LRR1: variants seen among roughly 807,000 people sequenced by gnomAD.
LRR1 encodes the protein leucine-rich repeat protein 1.
In LRR1, 29 loss-of-function variants were observed where a neutral mutation model predicts 31.6. The observed-to-expected ratio is 0.92, with a 90% confidence interval of 0.68 to 1.25. The LOEUF (loss-of-function observed/expected upper bound fraction) is 1.25. Among genes scored for constraint, LRR1 ranks in the 50% most tolerant of loss-of-function variants. The pLI is 0.00. For missense variants in LRR1, 485 were observed against 487.2 expected, an observed-to-expected ratio of 1.00 and a Z score of 0.04; for synonymous variants, 179 against 181.4, an observed-to-expected ratio of 0.99 and a Z score of 0.10.
chr14:49,606,326 CT>C (rs1882280453), intron 2 of LRR1, among the ~76,000 whole-genome samples: 1 of 151,674 alleles, frequency 6.6e-6, no homozygotes, highest in Admixed American at 6.6e-5. Context: ...CAGTCCCAGC[CT>C]TTTTTGTTTG....
intron 1 of LRR1, among the ~76,000 whole-genome samples, 188 bp from the exon 2 acceptor site, chr14:49,602,178 CTCTT>C (rs1882086858): frequency 9.1e-6 from 1 of 110,088 alleles, no homozygotes; most frequent in African/African-American, 3.5e-5. Context: ...GAGAAGGAGT[CTCTT>C]TCTGTTGCCC....
intron 2 of LRR1, among the ~76,000 whole-genome samples, chr14:49,603,002 ATT>A (rs34024087): frequency 6.5e-5 from 9 of 139,508 alleles, no homozygotes; most frequent in Admixed American, 7.2e-5. Flanking sequence ...TGCGTGGCTG[ATT>A]TTTTTTTTTT....
chr14:49,607,940 C>T lies in LRR1; in HGVS notation c.823C>T (p.Arg275Cys), dbSNP rs149392146. The stretch of plus-strand genomic sequence containing the variant: ...CAAGATAGGACAACTAATAAACCTT[C>T]GCTTTTTGTCAGCAGCTCGAAATAA... ...PCKIGQLINL[R>C]FLSAARNKLP... Residue 275 changes from arginine to cysteine, a missense_variant, in exon 3 of 4, where the codon CGC becomes TGC. Around this residue, in one of 3 missense-constraint regions of LRR1, gnomAD observed 210 missense variants for 200.4 expected, o/e 1.05. Transcript: ENST00000298288. The T allele has an allele frequency of 2.7e-4, 436 of 1,614,052 alleles. 5 individuals carry two copies. The highest frequency in any genetic ancestry group is 2.1e-3 in the South Asian group (188 of 91,070).
Position 49,599,187 on chromosome 14 carries a change from G to C in LRR1, c.167G>C (p.Arg56Pro). 1 of 1,607,348 alleles carries C rather than the reference G, an allele frequency of 6.2e-7. No homozygotes were observed. The highest frequency in any genetic ancestry group is 8.5e-7 in the Non-Finnish European group (1 of 1,177,366). The change falls in exon 1 of 4, where the codon CGC becomes CCC. Residue 56 changes from arginine (R) to proline (P), a missense_variant. By Grantham distance (103) the Arg-to-Pro change is moderately radical. Transcript: ENST00000298288. ...FLLISTLKDK[R>P]GTRYELRENI... ...CTCATCTCCACCCTGAAGGACAAGC[G>C]CGGGACCCGCTATGAGGTGCGTGAA...
intron 2 of LRR1, among the ~76,000 whole-genome samples, chr14:49,606,497 C>T (rs954748847): frequency 1.3e-5 from 2 of 151,562 alleles, no homozygotes; most frequent in Non-Finnish European, 2.9e-5. Flanking sequence ...CGCCACATTG[C>T]CCAGCTAATT....
At chr14:49,612,567 T>C in intron 3 of LRR1, 1 of 1,190,554 alleles carries the variant, frequency 8.4e-7, no homozygotes, top group Non-Finnish European at 1.1e-6. Context: ...GATTAATAAG[T>C]CTTTTTATGA....
At chr14:49,599,825 G>T (rs1448806932) in intron 1 of LRR1, among the ~76,000 whole-genome samples, 1 of 146,892 alleles carries the variant, frequency 6.8e-6, no homozygotes, top group Non-Finnish European at 1.5e-5. Flanking sequence ...CGGGCCTGCG[G>T]CCCTCTCCCC....
intron 3 of LRR1, among the ~76,000 whole-genome samples, chr14:49,609,023 C>T (rs1028656826): frequency 6.9e-6 from 1 of 145,040 alleles, no homozygotes; most frequent in Non-Finnish European, 1.5e-5. Context: ...ACGCCATTCT[C>T]GTGCCTCAGC....
intron 3 of LRR1, among the ~76,000 whole-genome samples, chr14:49,609,623 G>C (rs1882438077): frequency 6.6e-6 from 1 of 151,780 alleles, no homozygotes. Context: ...TGTCCAGGCT[G>C]GTCTTGAACT....
At chr14:49,606,020 CTTTTTTTTTTTTCT>C (rs1172040006) in intron 2 of LRR1, among the ~76,000 whole-genome samples, 2 of 144,124 alleles carry the variant, frequency 1.4e-5, no homozygotes, top group Non-Finnish European at 3.0e-5. Context: ...CAAAAATTAG[CTTTTTTTTTTTTCT>C]TTTTTTTTTT....
chr14:49,601,472 A>G, intron 1 of LRR1: 1 of 562,270 alleles, frequency 1.8e-6, no homozygotes, highest in South Asian at 1.5e-5. Context: ...AATTTTAAAT[A>G]TGCCATTTAT....
chr14:49,600,028 G>A, intron 1 of LRR1: 1 of 1,609,472 alleles, frequency 6.2e-7, no homozygotes, highest in East Asian at 2.2e-5. Context: ...ATGCTCAAGT[G>A]CGTGGTGGTC....
rs778082973 is a variant in LRR1 at position 49,607,908 on chromosome 14, T to C, written c.791T>C (p.Phe264Ser). 6.8e-6 allele frequency: 11 copies of C among 1,613,248 alleles called. No homozygotes were observed. Among genetic ancestry groups the C allele is most frequent in the Non-Finnish European group, 9.3e-6 (11 of 1,179,468 alleles). Reference sequence around the variant, plus strand: ...CTTGACGATAATGAATTGATTCAATTTCCTTGCAAGATAGGACAACTAATA... The same window carrying C: ...CTTGACGATAATGAATTGATTCAATCTCCTTGCAAGATAGGACAACTAATA... ...LKLDDNELIQ[F>S]PCKIGQLINL... Residue 264 changes from phenylalanine (F) to serine (S), a missense_variant, in exon 3 of 4, where the codon TTT becomes TCT. Around this residue, in one of 3 missense-constraint regions of LRR1, gnomAD observed 210 missense variants for 200.4 expected, o/e 1.05. Coordinates refer to ENST00000298288, the MANE Select transcript of LRR1 (RefSeq NM_152329.4).
intron 1 of LRR1, 139 bp downstream of exon 1, chr14:49,599,342 C>G (rs1027012279): frequency 1.0e-6 from 1 of 968,148 alleles, no homozygotes; most frequent in African/African-American, 1.6e-5. Context: ...AGCCTTGAGA[C>G]CTACCATCAG....
chr14:49,609,497 C>T (rs931874661), intron 3 of LRR1, among the ~76,000 whole-genome samples: 7 of 151,742 alleles, frequency 4.6e-5, no homozygotes, highest in Non-Finnish European at 1.0e-4. Context: ...CTCTGCTTCC[C>T]GAGTTCGAGC....
At chr14:49,602,912 T>G (rs1882120431) in intron 2 of LRR1, among the ~76,000 whole-genome samples, 1 of 152,096 alleles carries the variant, frequency 6.6e-6, no homozygotes, top group Non-Finnish European at 1.5e-5. Flanking sequence ...CTCAGCTCAC[T>G]GCAACCTCCA....
At chr14:49,603,639 C>A (rs1429028439) in intron 2 of LRR1, 31 of 1,021,754 alleles carry the variant, frequency 3.0e-5, no homozygotes, top group Non-Finnish European at 3.5e-5. Flanking sequence ...CCACTCCTGG[C>A]GAATTTTTGT....
At chr14:49,607,306 C>T in intron 2 of LRR1, 94 bp from the exon 3 acceptor site, 3 of 1,252,854 alleles carry the variant, frequency 2.4e-6, no homozygotes, top group Non-Finnish European at 3.2e-6. Context: ...GTATCACATT[C>T]ATAAGTAATG....
At chr14:49,601,222 T>TA (rs1352349441) in intron 1 of LRR1, 34 of 1,448,428 alleles carry the variant, frequency 2.3e-5, no homozygotes, top group Admixed American at 1.2e-4. Flanking sequence ...TGTGCTTTCT[T>TA]AAAAAAAATC....
Sources: gnomAD v4.1 joint callset for allele counts (sites outside exome capture counted in the v4.1 genomes callset) on GRCh38, gnomAD v4.1.1 for gene constraint, gnomAD v4.1.1 regional missense constraint, MANE v1.5 for transcripts, NCBI Gene and HGNC (gene_info 2026-07-23, HGNC 2026-07-21) for gene names.